RNF168: variants seen among roughly 807,000 people sequenced by gnomAD.
The protein encoded by RNF168 is E3 ubiquitin-protein ligase RNF168.
In RNF168, 34 loss-of-function variants were observed where a neutral mutation model predicts 34.9. The observed-to-expected ratio is 0.97, with a 90% CI of 0.74 to 1.30. RNF168 has a LOEUF of 1.30. Ranked by LOEUF, RNF168 falls within the 50% of genes most tolerant of loss-of-function variation. The probability of loss-of-function intolerance (pLI) is 0.00; values close to 1 mark genes in which losing one functional copy is unlikely to be tolerated. For synonymous variants in RNF168, 264 were observed against 254.7 expected (o/e 1.04, Z -0.35); for missense variants, 725 against 682.5 (o/e 1.06, Z -0.69).
chr3:196,489,278 G>A (rs1033855124), intron 1 of RNF168, among the ~76,000 whole-genome samples: 2 of 151,580 alleles, frequency 1.3e-5, no homozygotes, highest in African/African-American at 4.9e-5. Context: ...TTTAAAAACT[G>A]TAATCCTACA....
chr3:196,482,602 A>G (rs920025061), intron 4 of RNF168, among the ~76,000 whole-genome samples: 1 of 152,182 alleles, frequency 6.6e-6, no homozygotes, highest in African/African-American at 2.4e-5. Context: ...ATCTTTGTCA[A>G]CACTTATTAT....
chr3:196,500,091 T>C (rs1278570038), intron 1 of RNF168, among the ~76,000 whole-genome samples: 2 of 152,184 alleles, frequency 1.3e-5, no homozygotes, highest in Admixed American at 6.5e-5. Context: ...GAAAACAGTA[T>C]GGCGGTTTCC....
intron 1 of RNF168, among the ~76,000 whole-genome samples, chr3:196,498,751 T>C (rs1202072971): frequency 2.0e-5 from 3 of 152,184 alleles, no homozygotes; most frequent in East Asian, 3.9e-4. Flanking sequence ...TCCCAGCACT[T>C]TGGGAGGCCG....
chr3:196,475,992 T>C (rs939580778), intron 4 of RNF168, among the ~76,000 whole-genome samples: 7 of 151,942 alleles, frequency 4.6e-5, no homozygotes, highest in Non-Finnish European at 8.8e-5. Context: ...CCTGAGTAGC[T>C]GGGATTACAG....
Position 196,471,861 on chromosome 3 carries a change from T to C in RNF168, c.1674A>G (p.Ser558=), listed in dbSNP as rs1356679192. 1 of 1,614,084 alleles carries C rather than the reference T, an allele frequency of 6.2e-7. No homozygotes were observed. The change falls in exon 6 of 6, where the codon TCA becomes TCG. Residue 558 remains serine, a synonymous_variant. Coordinates refer to ENST00000318037, the MANE Select transcript of RNF168 (RefSeq NM_152617.4). ...GAAACATCTGAAAAACACTTTTCTG[T>C]GAAATGCTAGGCTGTAGGGAGTGAG... ...KSAHSLQPSI[S]QKSVFQMFQR...
At chr3:196,477,772 T>C (rs552702261) in intron 4 of RNF168, among the ~76,000 whole-genome samples, 5 of 152,190 alleles carry the variant, frequency 3.3e-5, no homozygotes, top group Non-Finnish European at 2.9e-5. Context: ...AAGTAATATA[T>C]GAATACATGC....
rs768766014 is a variant in RNF168 at position 196,472,526 on chromosome 3, C to T, written c.1009G>A (p.Val337Ile). The change falls in exon 6 of 6, where the codon GTT (valine) becomes ATT (isoleucine). Residue 337 changes from valine to isoleucine, a missense_variant. By Grantham distance (29) the Val-to-Ile change is conservative. Transcript: ENST00000318037. Reference sequence around the variant, plus strand: ...ACTGCAGTTTCTTTCGAGTAGGGAACTCTGGTTTTAGGTCGCTCGTGACTT... The same window carrying T: ...ACTGCAGTTTCTTTCGAGTAGGGAATTCTGGTTTTAGGTCGCTCGTGACTT... ...VLSHERPKTRVPYSKETAVMP... is the reference protein window; with the variant it reads ...VLSHERPKTRIPYSKETAVMP... The T allele has an allele frequency of 1.9e-5, 30 of 1,614,098 alleles. No individual in the cohort carries two copies. Among genetic ancestry groups the T allele is most frequent in the East Asian group, 6.7e-5 (3 of 44,890 alleles).
At position 196,503,034 on chromosome 3, in the gene RNF168, G is replaced by C; in HGVS notation, c.140C>G (p.Ala47Gly). Residue 47 changes from alanine (A) to glycine (G), a missense_variant, in exon 1 of 6, where the codon GCG (alanine) becomes GGG (glycine). Coordinates refer to ENST00000318037, the MANE Select transcript of RNF168 (RefSeq NM_152617.4). ...GCGACAGAAGGGACAGCATAAACTCGCCTTTTCGACGGTCGACTGGAAGCA... is the reference window on the plus strand; with the variant it reads ...GCGACAGAAGGGACAGCATAAACTCCCCTTTTCGACGGTCGACTGGAAGCA... ...KPCFQSTVEK[A>G]SLCCPFCRRR... 1.2e-6 allele frequency: 2 copies of C among 1,614,136 alleles called. No individual in the cohort carries two copies. The highest frequency in any genetic ancestry group is 1.7e-6 in the Non-Finnish European group (2 of 1,180,036).
At chr3:196,475,874 T>C (rs956073722) in intron 4 of RNF168, among the ~76,000 whole-genome samples, 1 of 148,506 alleles carries the variant, frequency 6.7e-6, no homozygotes, top group Admixed American at 6.8e-5. Context: ...CTTTTCTTTT[T>C]TTTGAGACGG....
chr3:196,480,995 T>G (rs888303951), intron 4 of RNF168, among the ~76,000 whole-genome samples: 4 of 152,184 alleles, frequency 2.6e-5, no homozygotes, highest in South Asian at 4.1e-4. Context: ...GATACTACTA[T>G]CGACAGAGTA....
intron 1 of RNF168, among the ~76,000 whole-genome samples, chr3:196,500,886 T>C (rs1378800264): frequency 6.6e-6 from 1 of 151,634 alleles, no homozygotes; most frequent in African/African-American, 2.4e-5. Context: ...TAATTTTTTG[T>C]ATTTTTAGTA....
chr3:196,502,965 G>T lies in RNF168; in HGVS notation c.209C>A (p.Ser70Tyr), dbSNP rs746582968. Residue 70 changes from serine to tyrosine, a missense_variant, in exon 1 of 6, where the codon TCT (serine) becomes TAT (tyrosine). Ser to Tyr is a moderately radical substitution (Grantham distance 144). Transcript: ENST00000318037. ...CGTCCACAGTTCCACGTTGACGAGAGAATTTCTTCGGGTATGGTACCGAGT... is the reference window on the plus strand; with the variant it reads ...CGTCCACAGTTCCACGTTGACGAGATAATTTCTTCGGGTATGGTACCGAGT... ...SWTRYHTRRN[S>Y]LVNVELWTII... 20 of 1,613,878 alleles carry T rather than the reference G, an allele frequency of 1.2e-5. No individual in the cohort carries two copies. Among genetic ancestry groups the T allele is most frequent in the Non-Finnish European group, 1.7e-5 (20 of 1,179,876 alleles).
intron 5 of RNF168, chr3:196,474,864 C>G: frequency 3.7e-6 from 1 of 269,054 alleles, no homozygotes; most frequent in South Asian, 4.1e-5. Flanking sequence ...AATCCAGCCT[C>G]CTGCCTGTTT....
At chr3:196,475,124 T>C (rs932409277) in intron 5 of RNF168, 107 bp downstream of exon 5, 3 of 731,754 alleles carry the variant, frequency 4.1e-6, no homozygotes, top group Admixed American at 2.0e-5. Flanking sequence ...GACAGGGTGT[T>C]TGATTAACTA....
Position 196,483,079 on chromosome 3 carries a change from G to A in RNF168, c.680+691C>T, listed in dbSNP as rs73891254. On this transcript the variant is annotated intron_variant, in intron 4 of 5. Transcript: ENST00000318037. The stretch of plus-strand genomic sequence containing the variant: ...TACTTTGCACATTATGAGTACTGGC[G>A]ACACTGATATTGTCACATCTTTTTT... Among the ~76,000 whole-genome samples, 1,197 of 151,484 alleles carry A rather than the reference G, an allele frequency of 7.9e-3. 16 individuals are homozygous for A. Among genetic ancestry groups the A allele is most frequent in the African/African-American group, 0.027 (1,116 of 41,276 alleles).
At position 196,485,783 on chromosome 3, in the gene RNF168, TA is replaced by T. The variant is rs1310790229; in HGVS notation, c.558+1615del. 4.5e-3 allele frequency among the ~76,000 whole-genome samples: 393 copies of T among 87,452 alleles called. 1 individual carries two copies. The highest frequency in any genetic ancestry group is 0.017 in the African/African-American group (348 of 20,446). The allele number at this position is 87,452 out of a possible 152,430, so 57.4% of individuals were successfully genotyped here. ...ATTTTGCTAAGTGTATATACATATA[TA>T]TTTTTTTATTCTATTGAACTTCCCA... On this transcript the variant is annotated intron_variant, in intron 3 of 5. Coordinates refer to ENST00000318037, the MANE Select transcript of RNF168 (RefSeq NM_152617.4).
At chr3:196,479,188 T>C (rs1018930862) in intron 4 of RNF168, among the ~76,000 whole-genome samples, 1 of 148,230 alleles carries the variant, frequency 6.7e-6, no homozygotes, top group African/African-American at 2.5e-5. Flanking sequence ...AATTTTTGTA[T>C]TTTTAGTAGA....
chr3:196,503,501 G>C lies in RNF168; in HGVS notation c.-328C>G, dbSNP rs914123713. ...GGCTGCGGCTCCCGGGGCAGCGAGGGGAACGCGCCAAGTCCTCTCCTCCCC... is the reference window on the plus strand; with the variant it reads ...GGCTGCGGCTCCCGGGGCAGCGAGGCGAACGCGCCAAGTCCTCTCCTCCCC... On this transcript the variant is annotated 5_prime_UTR_variant, in exon 1 of 6. Coordinates refer to ENST00000318037, the MANE Select transcript of RNF168 (RefSeq NM_152617.4). The C allele has an allele frequency of 1.0e-5, 4 of 390,660 alleles. No individual in the cohort carries two copies. Among genetic ancestry groups the C allele is most frequent in the Admixed American group, 7.5e-5 (2 of 26,810 alleles). The allele number at this position is 390,660 out of a possible 1,614,324, so 24.2% of individuals were successfully genotyped here. A position where few individuals can be genotyped will look rare whatever the true frequency, so the allele number is the denominator to read the frequency against.
At chr3:196,497,746 T>C (rs1024990199) in intron 1 of RNF168, among the ~76,000 whole-genome samples, 6 of 152,158 alleles carry the variant, frequency 3.9e-5, no homozygotes, top group Non-Finnish European at 7.3e-5. Context: ...AAAGGTTTCT[T>C]AGACCATAAA....
Sources: gnomAD v4.1 joint callset for allele counts (sites outside exome capture counted in the v4.1 genomes callset) on GRCh38, gnomAD v4.1.1 for gene constraint, MANE v1.5 for transcripts, NCBI Gene and HGNC (gene_info 2026-07-23, HGNC 2026-07-21) for gene names.